Variants in RBFOX1 observed in about 807,000 individuals in gnomAD.
The protein encoded by RBFOX1 is RNA binding protein fox-1 homolog 1.
Under a neutral mutation model 57.7 loss-of-function variants are expected in RBFOX1, and 8 were observed. That is an observed-to-expected ratio of 0.14 (90% CI 0.08 to 0.25). The LOEUF is 0.25. RBFOX1 is among the 10% of genes least tolerant of loss of function. RBFOX1 has a pLI of 1.00. For missense variants in RBFOX1, 611 were observed against 548.5 expected (o/e 1.11, Z -1.14); for synonymous variants, 326 against 222.4 (o/e 1.47, Z -4.15).
chr16:7,563,867 T>A (rs934479991), intron 5 of RBFOX1, among the ~76,000 whole-genome samples: 2 of 152,312 alleles, frequency 1.3e-5, no homozygotes, highest in Middle Eastern at 6.8e-3. Context: ...TCATTCCACT[T>A]TCTGATAAGC....
At chr16:5,519,890 A>T (rs1415807277) in intron 2 of RBFOX1, among the ~76,000 whole-genome samples, 1 of 152,138 alleles carries the variant, frequency 6.6e-6, no homozygotes, top group Non-Finnish European at 1.5e-5. Context: ...ATAATTCTTT[A>T]TTGAGCCCAT....
Position 7,408,891 on chromosome 16 carries a change from C to G in RBFOX1, c.28-109256C>G, listed in dbSNP as rs564543784. 1.7e-4 allele frequency among the ~76,000 whole-genome samples: 26 copies of G among 152,194 alleles called. No individual in the cohort carries two copies. The South Asian group carries it at 5.4e-3, about 32-fold the overall frequency. ...TATTCCCCAGATAAGAACCATTGTT[C>G]TAGAGGTATGGTGTTGGAAGCGCTT... On this transcript the variant is annotated intron_variant, in intron 4 of 15. Coordinates refer to ENST00000550418, the MANE Select transcript of RBFOX1 (RefSeq NM_018723.4).
intron 4 of RBFOX1, among the ~76,000 whole-genome samples, chr16:5,929,884 G>A (rs1001568808): frequency 7.2e-6 from 1 of 139,596 alleles, no homozygotes; most frequent in East Asian, 2.6e-4. Context: ...GAAAAGGAGA[G>A]AATTAATTCT....
chr16:7,597,775 A>G (rs2271133), intron 9 of RBFOX1, among the ~76,000 whole-genome samples: 1 of 152,166 alleles, frequency 6.6e-6, no homozygotes, highest in African/African-American at 2.4e-5. Context: ...GCTTTTCAAT[A>G]CCATCTGCTC....
chr16:5,760,001 C>G (rs1015496836), intron 3 of RBFOX1, among the ~76,000 whole-genome samples: 2 of 138,802 alleles, frequency 1.4e-5, no homozygotes, highest in African/African-American at 5.2e-5. Context: ...AATATCCCCA[C>G]TGGGTTAAAA....
chr16:5,633,896 C>G (rs1277665521), intron 3 of RBFOX1, among the ~76,000 whole-genome samples: 1 of 151,740 alleles, frequency 6.6e-6, no homozygotes, highest in African/African-American at 2.4e-5. Flanking sequence ...AGACAGTTCT[C>G]AAAAGAAGAT....
chr16:7,515,992 G>A (rs1364072756), intron 4 of RBFOX1, among the ~76,000 whole-genome samples: 3 of 152,064 alleles, frequency 2.0e-5, no homozygotes, highest in South Asian at 4.1e-4. Context: ...TTACAGGCAT[G>A]TGCCACCATG....
At chr16:6,553,843 T>C (rs1300891023) in intron 2 of RBFOX1, among the ~76,000 whole-genome samples, 1 of 152,104 alleles carries the variant, frequency 6.6e-6, no homozygotes, top group East Asian at 1.9e-4. Flanking sequence ...CCAAATCTCA[T>C]CATGAATTGA....
chr16:6,868,324 C>G (rs1443384572), intron 3 of RBFOX1, among the ~76,000 whole-genome samples: 3 of 152,068 alleles, frequency 2.0e-5, no homozygotes, highest in East Asian at 3.9e-4. Context: ...GATGGTAAAA[C>G]AGAGTGGATT....
At chr16:6,079,421 C>T (rs755049548) in intron 1 of RBFOX1, among the ~76,000 whole-genome samples, 1 of 152,194 alleles carries the variant, frequency 6.6e-6, no homozygotes, top group African/African-American at 2.4e-5. Flanking sequence ...AAGTGATCTT[C>T]CTACTTCAGC....
chr16:7,292,642 C>G (rs565709148), intron 4 of RBFOX1, among the ~76,000 whole-genome samples: 2 of 151,234 alleles, frequency 1.3e-5, no homozygotes, highest in South Asian at 2.1e-4. Flanking sequence ...TGATGCCAAG[C>G]GAGAGTTTTT....
chr16:6,923,609 A>AT (rs1457221457), intron 3 of RBFOX1, among the ~76,000 whole-genome samples: 15 of 152,262 alleles, frequency 9.9e-5, no homozygotes, highest in African/African-American at 2.9e-4. Flanking sequence ...GCAGGGTGGA[A>AT]TGGGATGGAG....
In RBFOX1 at chr16:5,699,456, G is replaced by T. The variant is rs75770690; in HGVS notation, c.318+100495G>T. Reference sequence around the variant, plus strand: ...TACACTGGTTTGGAGACAGTAGATTGTTCTATTTTTAGTGCAGTGGTTCTT... The same window carrying T: ...TACACTGGTTTGGAGACAGTAGATTTTTCTATTTTTAGTGCAGTGGTTCTT... On this transcript the variant is annotated intron_variant, in intron 3 of 19. Transcript: ENST00000641259. Among the ~76,000 whole-genome samples, 953 of 148,544 alleles carry T rather than the reference G, an allele frequency of 6.4e-3. 6 individuals are homozygous for T. The highest frequency in any genetic ancestry group is 0.023 in the African/African-American group (919 of 40,214).
chr16:5,602,887 A>G (rs2047412525), downstream of RBFOX1, among the ~76,000 whole-genome samples: 1 of 152,194 alleles, frequency 6.6e-6, no homozygotes, highest in South Asian at 2.1e-4. Flanking sequence ...TGGACTGTTA[A>G]GAAGGTTTTC....
chr16:7,477,523 G>C (rs1442886779), intron 4 of RBFOX1, among the ~76,000 whole-genome samples: 10 of 152,122 alleles, frequency 6.6e-5, no homozygotes, highest in Admixed American at 6.5e-4. Context: ...ATTATTGCCT[G>C]GCTGACTCCC....
intron 3 of RBFOX1, among the ~76,000 whole-genome samples, chr16:5,837,943 G>C (rs1299763171): frequency 1.3e-5 from 2 of 152,144 alleles, no homozygotes; most frequent in Non-Finnish European, 2.9e-5. Context: ...TCAGATGGCT[G>C]CTTCGGAAAG....
At chr16:6,307,148 C>T (rs908060939) in intron 1 of RBFOX1, among the ~76,000 whole-genome samples, 2 of 152,150 alleles carry the variant, frequency 1.3e-5, no homozygotes, top group African/African-American at 2.4e-5. Context: ...CTTTCAGATT[C>T]GTAAACGCCC....
At chr16:7,407,285 C>G (rs1318641284) in intron 4 of RBFOX1, among the ~76,000 whole-genome samples, 1 of 151,906 alleles carries the variant, frequency 6.6e-6, no homozygotes, top group Non-Finnish European at 1.5e-5. Flanking sequence ...CTCTGGCTAC[C>G]ACAGGTAGTT....
intron 3 of RBFOX1, among the ~76,000 whole-genome samples, chr16:6,779,779 ATATATT>A (rs2080080398): frequency 6.3e-5 from 1 of 15,802 alleles, no homozygotes; most frequent in African/African-American, 5.6e-4. Flanking sequence ...ATATATTTAT[ATATATT>A]TTTATATATA....
Sources: allele counts gnomAD v4.1 joint callset (sites outside exome capture counted in the v4.1 genomes callset), GRCh38; gene constraint gnomAD v4.1.1; transcripts MANE v1.5; gene names NCBI Gene and HGNC (gene_info 2026-07-23, HGNC 2026-07-21).